The following CAP2 variants were observed in gnomAD, a reference collection of about 807,000 sequenced individuals.
CAP2 encodes the protein cyclase associated actin cytoskeleton regulatory protein 2.
Under a neutral mutation model 57.7 loss-of-function variants are expected in CAP2, and 24 were observed. That is an observed-to-expected ratio of 0.42 (90% CI 0.30 to 0.58). CAP2 has a LOEUF of 0.58. Among genes scored for constraint, CAP2 ranks in the 20% least tolerant of loss-of-function variants. The pLI is 0.22. For synonymous variants in CAP2, 194 were observed against 207.2 expected (o/e 0.94, Z 0.55); for missense variants, 501 against 590.3 (o/e 0.85, Z 1.57).
chr6:17,447,188 A>T (rs1307244564), intron 3 of CAP2, among the ~76,000 whole-genome samples: 2 of 151,742 alleles, frequency 1.3e-5, no homozygotes, highest in African/African-American at 4.8e-5. Context: ...AAAAAAAAAA[A>T]AAAAAGTTTG....
intron 7 of CAP2, among the ~76,000 whole-genome samples, chr6:17,535,233 G>C (rs573324214): frequency 6.6e-6 from 1 of 151,718 alleles, no homozygotes; most frequent in Admixed American, 6.6e-5. Context: ...CGCTACATAT[G>C]AGTCAAGGTA....
At chr6:17,455,570 C>G (rs1207888474) in intron 3 of CAP2, among the ~76,000 whole-genome samples, 1 of 151,370 alleles carries the variant, frequency 6.6e-6, no homozygotes, top group African/African-American at 2.4e-5. Flanking sequence ...GAGTCTCGCT[C>G]TGTCGCCCAG....
rs143302087 is a variant in CAP2 at position 17,510,062 on chromosome 6, G to A, written c.530+2336G>A. 2.6e-5 allele frequency among the ~76,000 whole-genome samples: 4 copies of A among 152,254 alleles called. 1 individual carries two copies. In the East Asian group the frequency reaches 7.7e-4, roughly 29 times the overall value. On this transcript the variant is annotated intron_variant, in intron 6 of 12. Coordinates refer to ENST00000229922, the MANE Select transcript of CAP2 (RefSeq NM_006366.3). ...TATAGAAAGAGAAAGTAGATTAACA[G>A]TTGCCTAGGGCTGGAGAAATTTAGG...
At chr6:17,531,830 C>G (rs1399200483) in intron 7 of CAP2, among the ~76,000 whole-genome samples, 1 of 152,118 alleles carries the variant, frequency 6.6e-6, no homozygotes, top group East Asian at 1.9e-4. Flanking sequence ...GAGAGCTGGT[C>G]ACTTCCACCT....
rs769374592 is a variant in CAP2, at chr6:17,543,019, T to C, written c.1127-42T>C. 9 of 1,611,784 alleles carry C rather than the reference T, an allele frequency of 5.6e-6. No homozygotes were observed. The Admixed American group carries it at 1.2e-4, about 21-fold the overall frequency. ...ATGTTTTATAAACAAGCTGTATGTA[T>C]TTAGTGGAGTTGGTTTTTTGTTGTG... On this transcript the variant is annotated intron_variant, in intron 10 of 12. Transcript: ENST00000229922.
intron 4 of CAP2, among the ~76,000 whole-genome samples, chr6:17,485,215 C>T (rs935601602): frequency 5.9e-5 from 9 of 151,906 alleles, no homozygotes; most frequent in African/African-American, 1.9e-4. Context: ...TATGAGGGAC[C>T]TTTTAATTAA....
In CAP2 at chr6:17,400,878, A is replaced by AT. The variant is rs1758793165; in HGVS notation, c.-2+7132_-2+7133insT. ...AGACTCCGTCTCAAAAAAAAAAAAA[A>AT]AAGAATCACTGGATTCTTATGAAAA... On this transcript the variant is annotated intron_variant, in intron 1 of 12. Coordinates refer to ENST00000229922, the MANE Select transcript of CAP2 (RefSeq NM_006366.3). Among the ~76,000 whole-genome samples the AT allele has an allele frequency of 2.0e-5, 3 of 152,084 alleles. No homozygotes were observed. In the South Asian group the frequency reaches 6.2e-4, roughly 32 times the overall value.
At chr6:17,463,396 G>A (rs186017308) in intron 4 of CAP2, among the ~76,000 whole-genome samples, 1 of 151,958 alleles carries the variant, frequency 6.6e-6, no homozygotes, top group East Asian at 1.9e-4. Flanking sequence ...CAGTTTAAAA[G>A]GTGAGTTGAC....
rs1762938722 is a variant in CAP2, at chr6:17,542,836, G to C, written c.1003-1G>C. On this transcript the variant is annotated splice_acceptor_variant, in intron 9 of 12. Coordinates refer to ENST00000229922, the MANE Select transcript of CAP2 (RefSeq NM_006366.3). LOFTEE classifies it high-confidence loss of function. Reference sequence around the variant, plus strand: ...AATATTTGTATTTGTCTTAATTCTAGGAGTACCAAGAGGACAGGAATGACC... The same window carrying C: ...AATATTTGTATTTGTCTTAATTCTACGAGTACCAAGAGGACAGGAATGACC... 1 of 1,607,394 alleles carries C rather than the reference G, an allele frequency of 6.2e-7. No individual in the cohort carries two copies. The highest frequency in any genetic ancestry group is 1.1e-5 in the South Asian group (1 of 90,462).
intron 3 of CAP2, among the ~76,000 whole-genome samples, chr6:17,441,441 G>A (rs1476999658): frequency 6.6e-6 from 1 of 151,544 alleles, no homozygotes; most frequent in African/African-American, 2.4e-5. Context: ...TATGTACACA[G>A]TACATAGGCT....
intron 2 of CAP2, among the ~76,000 whole-genome samples, chr6:17,425,552 G>A (rs1479277674): frequency 6.6e-6 from 1 of 152,128 alleles, no homozygotes; most frequent in Non-Finnish European, 1.5e-5. Flanking sequence ...ACCTGAGCAG[G>A]TGGCTATGGA....
intron 4 of CAP2, among the ~76,000 whole-genome samples, chr6:17,474,662 G>C (rs529240510): frequency 1.9e-4 from 29 of 152,224 alleles, no homozygotes; most frequent in African/African-American, 6.5e-4. Context: ...CTATGTAGTA[G>C]TCTCTGTCAA....
At chr6:17,411,138 T>C (rs1229605060) in intron 1 of CAP2, among the ~76,000 whole-genome samples, 2 of 152,228 alleles carry the variant, frequency 1.3e-5, no homozygotes, top group Non-Finnish European at 2.9e-5. Flanking sequence ...TCACTCTTTT[T>C]TATGGCTGAA....
intron 7 of CAP2, among the ~76,000 whole-genome samples, chr6:17,514,308 A>G (rs1351869023): frequency 6.6e-6 from 1 of 152,114 alleles, no homozygotes; most frequent in Non-Finnish European, 1.5e-5. Context: ...GGCTGCAGTG[A>G]GCCGAGATTG....
intron 1 of CAP2, among the ~76,000 whole-genome samples, chr6:17,409,351 G>C (rs1311460856): frequency 6.6e-6 from 1 of 151,272 alleles, no homozygotes; most frequent in Non-Finnish European, 1.5e-5. Context: ...CAGCCTGGGT[G>C]ACAGAGTGAG....
At chr6:17,531,030 G>A (rs1762626059) in intron 7 of CAP2, 1 of 935,876 alleles carries the variant, frequency 1.1e-6, no homozygotes, top group African/African-American at 1.6e-5. Flanking sequence ...GAAGTTATTT[G>A]CTTCTTTGAA....
rs1229707631 is a variant in CAP2 at position 17,541,092 on chromosome 6, T to C, written c.946T>C (p.Tyr316His). The C allele has an allele frequency of 4.3e-6, 7 of 1,613,970 alleles. No individual in the cohort carries two copies. The highest frequency in any genetic ancestry group is 5.9e-6 in the Non-Finnish European group (7 of 1,179,968). The change falls in exon 9 of 13, where the codon TAT (tyrosine) becomes CAT (histidine). Residue 316 changes from tyrosine (Y) to histidine (H), a missense_variant. Physicochemically the swap from Tyr to His is moderately conservative, Grantham distance 83. Coordinates refer to ENST00000229922, the MANE Select transcript of CAP2 (RefSeq NM_006366.3). ...TCCAAGTCCCACATCTCCTAAATCT[T>C]ATCCTTCTCAAAAACATGCCCCAGT... ...HTPSPTSPKS[Y>H]PSQKHAPVLE...
At chr6:17,542,687 G>A in intron 9 of CAP2, 150 bp from the exon 10 acceptor site, 1 of 662,888 alleles carries the variant, frequency 1.5e-6, no homozygotes, top group South Asian at 1.9e-5. Flanking sequence ...CAATGACAGA[G>A]TAAGACCTGT....
chr6:17,511,106 T>C (rs1269581867), intron 6 of CAP2, among the ~76,000 whole-genome samples: 1 of 152,178 alleles, frequency 6.6e-6, no homozygotes, highest in East Asian at 1.9e-4. Flanking sequence ...GTGGACTACC[T>C]CAAGACTGTA....
Sources: gnomAD v4.1 joint callset for allele counts (sites outside exome capture counted in the v4.1 genomes callset) on GRCh38, gnomAD v4.1.1 for gene constraint, MANE v1.5 for transcripts, NCBI Gene and HGNC (gene_info 2026-07-23, HGNC 2026-07-21) for gene names.